The following TRMT9B variants were observed in gnomAD, a reference collection of about 807,000 sequenced individuals.
TRMT9B encodes tRNA methyltransferase 9B (putative).
A neutral mutation model predicts 11.5 loss-of-function variants in TRMT9B; 16 were observed. The ratio of observed to expected loss-of-function variants is 1.39; its 90% CI spans 0.94 to 2.11. TRMT9B has a LOEUF of 2.11. TRMT9B is among the 30% of genes most tolerant of loss of function. The pLI, the probability that TRMT9B is intolerant of heterozygous loss-of-function variation, is 0.00. For missense variants in TRMT9B, 941 were observed against 553.8 expected (o/e 1.70, Z -7.02); for synonymous variants, 274 against 192.4 (o/e 1.42, Z -3.51).
chr8:12,987,503 G>C (rs529541212), intron 1 of TRMT9B, among the ~76,000 whole-genome samples: 6 of 152,054 alleles, frequency 3.9e-5, no homozygotes, highest in Non-Finnish European at 2.9e-5. Flanking sequence ...CCAGCCTGGG[G>C]AACGTAGGGA....
chr8:12,955,509 G>C (rs2460359), intron 1 of TRMT9B, among the ~76,000 whole-genome samples: 131,974 of 152,106 alleles, frequency 0.87, 57,355 homozygotes, highest in Middle Eastern at 0.91. Flanking sequence ...ACCCTAAGCC[G>C]TAAAGGGTTG....
rs191068030 is a variant in TRMT9B, at chr8:13,022,271, G to T, written c.*227G>T. 4 of 447,866 alleles carry T rather than the reference G, an allele frequency of 8.9e-6. No individual in the cohort carries two copies. The highest frequency in any genetic ancestry group is 1.2e-5 in the Non-Finnish European group (3 of 247,168). 27.7% of individuals were successfully genotyped at this position (447,866 alleles called of 1,614,324 possible). A position where few individuals can be genotyped will look rare whatever the true frequency, so the allele number is the denominator to read the frequency against. On this transcript the variant is annotated 3_prime_UTR_variant, in exon 5 of 5. Transcript: ENST00000524591. Reference sequence around the variant, plus strand: ...TTTGTGCTTAAATGTTAATATACAAGATCTGAAGAAGCAACAGAAAGTACC... The same window carrying T: ...TTTGTGCTTAAATGTTAATATACAATATCTGAAGAAGCAACAGAAAGTACC...
chr8:12,991,464 T>A (rs1047341958), intron 2 of TRMT9B, among the ~76,000 whole-genome samples: 6 of 152,250 alleles, frequency 3.9e-5, no homozygotes, highest in African/African-American at 1.2e-4. Context: ...CCAACTTGCA[T>A]TTTCACTTTA....
Position 13,021,104 on chromosome 8 carries a change from G to A in TRMT9B, c.425G>A (p.Trp142Ter). ...GGAGGCCAACTGATGATTTACGTTT[G>A]GGCAATGGAACAAAAGAACCGTCAC... ...VPGGQLMIYV[W>*]AMEQKNRHFE... Residue 142 changes from tryptophan (W) to a stop codon, truncating the protein, a stop_gained, in exon 5 of 5, where the codon TGG becomes TAG. Transcript: ENST00000524591. LOFTEE classifies it low-confidence loss of function (END_TRUNC). 1 of 1,611,544 alleles carries A rather than the reference G, an allele frequency of 6.2e-7. No individual in the cohort carries two copies. Among genetic ancestry groups the A allele is most frequent in the African/African-American group, 1.3e-5 (1 of 75,014 alleles).
chr8:13,021,610 G>A lies in TRMT9B; in HGVS notation c.931G>A (p.Val311Met). 6.2e-7 allele frequency: 1 copy of A among 1,613,910 alleles called. No homozygotes were observed. The highest frequency in any genetic ancestry group is 1.3e-5 in the African/African-American group (1 of 75,028). The change falls in exon 5 of 5, where the codon GTG (valine) becomes ATG (methionine). Residue 311 changes from valine (V) to methionine (M), a missense_variant. Transcript: ENST00000524591. ...STKGQSLDEE[V>M]FVESSSGKHL... ...AAAAGGGCAAAGTTTAGATGAGGAA[G>A]TGTTTGTGGAATCTTCTTCTGGAAA... is the stretch of plus-strand genomic sequence containing the variant.
At chr8:12,966,156 C>CT (rs947440682) in intron 1 of TRMT9B, among the ~76,000 whole-genome samples, 6 of 151,824 alleles carry the variant, frequency 4.0e-5, no homozygotes, top group Admixed American at 3.3e-4. Context: ...TAAGACCCCC[C>CT]CCATCTCTAC....
At chr8:12,983,582 A>G (rs564306021) in intron 1 of TRMT9B, among the ~76,000 whole-genome samples, 165 of 152,286 alleles carry the variant, frequency 1.1e-3, no homozygotes, top group Middle Eastern at 3.4e-3. Flanking sequence ...AGGCAGGACA[A>G]TCGCTTGAAT....
intron 1 of TRMT9B, among the ~76,000 whole-genome samples, chr8:12,950,348 A>G (rs1800498406): frequency 6.6e-6 from 1 of 152,158 alleles, no homozygotes; most frequent in Admixed American, 6.5e-5. Flanking sequence ...GCACTATCCT[A>G]TACTTTAGGT....
At chr8:12,948,364 T>C (rs1448534534) in intron 1 of TRMT9B, among the ~76,000 whole-genome samples, 1 of 150,198 alleles carries the variant, frequency 6.7e-6, no homozygotes, top group East Asian at 1.9e-4. Flanking sequence ...ATCATAAAGT[T>C]GAAAAATTGT....
rs576106118 is a variant in TRMT9B at position 12,949,594 on chromosome 8, C to G, written c.-200+3628C>G. On this transcript the variant is annotated intron_variant, in intron 1 of 4. Transcript: ENST00000524591. ...ATCTCTTTATTTTTCTACCTGCCTCCAAACAAGAAAGAAGTTGGTAACTCA... is the reference window on the plus strand; with the variant it reads ...ATCTCTTTATTTTTCTACCTGCCTCGAAACAAGAAAGAAGTTGGTAACTCA... 2.0e-5 allele frequency among the ~76,000 whole-genome samples: 3 copies of G among 152,242 alleles called. No homozygotes were observed. In the South Asian group the frequency reaches 6.2e-4, roughly 32 times the overall value.
At chr8:12,981,573 GC>G (rs1805395454) in intron 1 of TRMT9B, among the ~76,000 whole-genome samples, 1 of 151,764 alleles carries the variant, frequency 6.6e-6, no homozygotes, top group African/African-American at 2.4e-5. Context: ...GTTTATTTTT[GC>G]TTTCCTTTCT....
intron 1 of TRMT9B, among the ~76,000 whole-genome samples, chr8:12,989,189 C>T (rs908271131): frequency 4.1e-4 from 63 of 152,192 alleles, no homozygotes; most frequent in African/African-American, 1.4e-3. Flanking sequence ...AAGGTACAGA[C>T]CTTGCCCTAG....
At chr8:13,010,459 ATCAG>A in intron 3 of TRMT9B, 1 of 985,186 alleles carries the variant, frequency 1.0e-6, no homozygotes, top group Non-Finnish European at 1.2e-6. Context: ...AGCTAAAGTC[ATCAG>A]CTGTTTGATG....
rs28489062 is a variant in TRMT9B, at chr8:13,006,176, C to T, written c.-1-26C>T. 3.0e-3 allele frequency: 4,896 copies of T among 1,611,328 alleles called. 123 individuals carry two copies. The African/African-American group carries it at 0.057, about 19-fold the overall frequency. Reference sequence around the variant, plus strand: ...TATGGTGCATAGGCTGACCTGCATGCCTTGGGTTGGTCCTGTTTTCTCCAG... The same window carrying T: ...TATGGTGCATAGGCTGACCTGCATGTCTTGGGTTGGTCCTGTTTTCTCCAG... On this transcript the variant is annotated intron_variant, in intron 2 of 4. Coordinates refer to ENST00000524591, the MANE Select transcript of TRMT9B (RefSeq NM_020844.3).
At chr8:12,946,539 T>A (rs1800273499) in intron 1 of TRMT9B, among the ~76,000 whole-genome samples, 1 of 152,168 alleles carries the variant, frequency 6.6e-6, no homozygotes, top group Non-Finnish European at 1.5e-5. Flanking sequence ...GCGAAGGACC[T>A]CAGGTTCGAA....
rs561223165 is a variant in TRMT9B at position 12,965,783 on chromosome 8, C to T, written c.-200+19817C>T. Reference sequence around the variant, plus strand: ...ATCCCAGCATGTGGGGAGACTGAGGCAGGCAGATTGCATGAGCTCAGTAGT... The same window carrying T: ...ATCCCAGCATGTGGGGAGACTGAGGTAGGCAGATTGCATGAGCTCAGTAGT... On this transcript the variant is annotated intron_variant, in intron 1 of 4. Transcript: ENST00000524591. Among the ~76,000 whole-genome samples the T allele has an allele frequency of 2.6e-5, 4 of 152,172 alleles. No individual in the cohort carries two copies. The East Asian group carries it at 5.8e-4, about 22-fold the overall frequency.
Position 13,025,274 on chromosome 8 carries a change from T to G in TRMT9B, c.*3230T>G, listed in dbSNP as rs1277622921. On this transcript the variant is annotated 3_prime_UTR_variant, in exon 5 of 5. Transcript: ENST00000524591. ...TGACTCACACCTGTACTCCCAGCAC[T>G]TCAGGAAGCTGAGGTGGGTGGATCA... The G allele has an allele frequency of 6.0e-6, 1 of 166,918 alleles. No homozygotes were observed. The highest frequency in any genetic ancestry group is 2.4e-5 in the African/African-American group (1 of 41,456). The allele number at this position is 166,918 out of a possible 1,614,324, so 10.3% of individuals were successfully genotyped here.
chr8:13,020,052 C>T (rs138643805), intron 4 of TRMT9B, among the ~76,000 whole-genome samples: 123 of 152,216 alleles, frequency 8.1e-4, no homozygotes, highest in Middle Eastern at 3.4e-3. Context: ...TTTAATATGC[C>T]TCTGTGGAAG....
intron 4 of TRMT9B, among the ~76,000 whole-genome samples, chr8:13,017,396 A>T (rs1263316099): frequency 3.9e-5 from 6 of 152,136 alleles, no homozygotes; most frequent in Non-Finnish European, 8.8e-5. Flanking sequence ...CTGCTTTAGG[A>T]TGCATATATT....
Sources: allele counts gnomAD v4.1 joint callset (sites outside exome capture counted in the v4.1 genomes callset), GRCh38; gene constraint gnomAD v4.1.1; transcripts MANE v1.5; gene names NCBI Gene and HGNC (gene_info 2026-07-23, HGNC 2026-07-21).